Variants in GLIS1 observed in about 807,000 individuals in gnomAD.
GLIS1 encodes zinc finger protein GLIS1.
Under a neutral mutation model 63.8 loss-of-function variants are expected in GLIS1, and 24 were observed. The ratio of observed to expected loss-of-function variants is 0.38; its 90% CI spans 0.27 to 0.53. The LOEUF is 0.53. GLIS1 is among the 20% of genes least tolerant of loss of function. The pLI, the probability that GLIS1 is intolerant of heterozygous loss-of-function variation, is 0.85. For synonymous variants in GLIS1, 450 were observed against 482.5 expected, an observed-to-expected ratio of 0.93 and a Z score of 0.88; for missense variants, 1,036 against 1,074.1, an observed-to-expected ratio of 0.96 and a Z score of 0.50.
At chr1:53,629,375 C>T (rs185076446) in intron 2 of GLIS1, among the ~76,000 whole-genome samples, 1 of 152,346 alleles carries the variant, frequency 6.6e-6, no homozygotes, top group Admixed American at 6.5e-5. Context: ...TCTGTAGCAT[C>T]ATGCGGCACA....
At chr1:53,520,445 C>T (rs139528108) in intron 7 of GLIS1, among the ~76,000 whole-genome samples, 189 bp downstream of exon 7, 2,310 of 152,352 alleles carry the variant, frequency 0.015, 25 homozygotes, top group Non-Finnish European at 0.022. Flanking sequence ...CCTAGTTAGA[C>T]GAGCTGCAGG....
At chr1:53,579,470 C>T (rs1645064448) in intron 4 of GLIS1, among the ~76,000 whole-genome samples, 1 of 152,240 alleles carries the variant, frequency 6.6e-6, no homozygotes, top group African/African-American at 2.4e-5. Context: ...GGAGGGGGAT[C>T]CCATGGCTGA....
At chr1:53,706,922 A>G (rs1336741150) in intron 2 of GLIS1, among the ~76,000 whole-genome samples, 1 of 152,214 alleles carries the variant, frequency 6.6e-6, no homozygotes, top group Non-Finnish European at 1.5e-5. Context: ...AAGCCCTTCA[A>G]CAAAAGAATC....
chr1:53,712,127 T>C (rs1646653625), intron 2 of GLIS1, among the ~76,000 whole-genome samples: 1 of 152,206 alleles, frequency 6.6e-6, no homozygotes, highest in Non-Finnish European at 1.5e-5. Flanking sequence ...CCATCTCTGC[T>C]CTGGCAACAC....
At chr1:53,640,985 C>A (rs553945082) in intron 2 of GLIS1, among the ~76,000 whole-genome samples, 1 of 152,274 alleles carries the variant, frequency 6.6e-6, no homozygotes, top group Admixed American at 6.5e-5. Context: ...CCGGGGACTT[C>A]AAAAGCACAG....
intron 10 of GLIS1, among the ~76,000 whole-genome samples, chr1:53,507,602 T>C (rs1042827767): frequency 1.6e-4 from 24 of 152,266 alleles, no homozygotes; most frequent in African/African-American, 5.3e-4. Context: ...TGGGCTGAAC[T>C]GTTCTGAGGC....
intron 2 of GLIS1, among the ~76,000 whole-genome samples, chr1:53,663,315 T>C (rs1365123149): frequency 1.3e-5 from 2 of 152,238 alleles, no homozygotes; most frequent in Admixed American, 6.5e-5. Flanking sequence ...CAGTGAGTTC[T>C]GATTACACGG....
At chr1:53,554,865 T>A (rs1048618299) in intron 4 of GLIS1, among the ~76,000 whole-genome samples, 2 of 152,172 alleles carry the variant, frequency 1.3e-5, no homozygotes, top group African/African-American at 4.8e-5. Context: ...TGAAGGACAC[T>A]GTCCTCCTCC....
intron 4 of GLIS1, among the ~76,000 whole-genome samples, chr1:53,550,170 G>C (rs1644744247): frequency 1.3e-5 from 2 of 152,202 alleles, no homozygotes; most frequent in South Asian, 4.1e-4. Context: ...TGCTCAAATT[G>C]GGTGGAAAAG....
chr1:53,596,081 C>T (rs908745025), intron 3 of GLIS1, among the ~76,000 whole-genome samples: 1 of 152,254 alleles, frequency 6.6e-6, no homozygotes, highest in African/African-American at 2.4e-5. Context: ...GGAGGATCCT[C>T]CCCATGAGAG....
At chr1:53,679,960 G>A (rs1263261240) in intron 2 of GLIS1, among the ~76,000 whole-genome samples, 1 of 152,150 alleles carries the variant, frequency 6.6e-6, no homozygotes, top group Non-Finnish European at 1.5e-5. Flanking sequence ...GGCACCCAGG[G>A]TGCCCCCAAA....
rs531517006 is a variant in GLIS1 at position 53,714,866 on chromosome 1, G to A, written c.259+22940C>T. On this transcript the variant is annotated intron_variant, in intron 2 of 10. Coordinates refer to ENST00000628545, the MANE Select transcript of GLIS1 (RefSeq NM_001367484.1). ...CCCTGGCAAGGTCCTGCTTCCCATG[G>A]AGTTTTCCTTCTTAAACACAAGTTT... Among the ~76,000 whole-genome samples the A allele has an allele frequency of 5.1e-4, 77 of 152,254 alleles. 1 individual carries two copies. The highest frequency in any genetic ancestry group is 8.4e-4 in the Non-Finnish European group (57 of 68,016).
chr1:53,542,912 C>G (rs1408094844), intron 4 of GLIS1, among the ~76,000 whole-genome samples: 1 of 152,190 alleles, frequency 6.6e-6, no homozygotes, highest in Non-Finnish European at 1.5e-5. Flanking sequence ...CCTGAGGCAG[C>G]CTTTAGATGG....
intron 2 of GLIS1, among the ~76,000 whole-genome samples, chr1:53,707,324 CA>C (rs1218903749): frequency 2.6e-5 from 4 of 152,196 alleles, no homozygotes; most frequent in Non-Finnish European, 5.9e-5. Flanking sequence ...CAGTTAACAA[CA>C]ACATGTTCTG....
intron 2 of GLIS1, among the ~76,000 whole-genome samples, chr1:53,678,337 GGGT>G (rs1646237995): frequency 1.5e-5 from 2 of 136,928 alleles, no homozygotes; most frequent in African/African-American, 5.2e-5. Context: ...GAGGGGGGGG[GGGT>G]GGGGGGCAGG....
chr1:53,610,528 G>A (rs1645415016), intron 2 of GLIS1, among the ~76,000 whole-genome samples: 1 of 152,070 alleles, frequency 6.6e-6, no homozygotes, highest in East Asian at 1.9e-4. Flanking sequence ...AATTTCTATT[G>A]GAAAGTCATC....
At chr1:53,525,493 C>T in intron 5 of GLIS1, among the ~76,000 whole-genome samples, 1 of 138,408 alleles carries the variant, frequency 7.2e-6, no homozygotes, top group East Asian at 2.5e-4. Flanking sequence ...TCTGGCGGGG[C>T]TGGGGGCTGT....
At chr1:53,662,043 T>C (rs959086399) in intron 2 of GLIS1, among the ~76,000 whole-genome samples, 1 of 152,106 alleles carries the variant, frequency 6.6e-6, no homozygotes, top group Admixed American at 6.5e-5. Context: ...CAGAGGTATG[T>C]AATCAAGGGG....
chr1:53,529,654 G>C (rs1414709154), intron 5 of GLIS1, 137 bp downstream of exon 5: 2 of 849,026 alleles, frequency 2.4e-6, no homozygotes, highest in Non-Finnish European at 3.7e-6. Context: ...GACACCATCC[G>C]ACCCACTGCC....
Sources: allele counts gnomAD v4.1 joint callset (sites outside exome capture counted in the v4.1 genomes callset), GRCh38; gene constraint gnomAD v4.1.1; transcripts MANE v1.5; gene names NCBI Gene and HGNC (gene_info 2026-07-23, HGNC 2026-07-21).